Variants in AOPEP observed in about 807,000 individuals in gnomAD.
The protein encoded by AOPEP is aminopeptidase O (putative).
In AOPEP, 77 loss-of-function variants were observed where a neutral mutation model predicts 98.1. The observed-to-expected ratio is 0.78, with a 90% confidence interval of 0.65 to 0.95. AOPEP has a LOEUF of 0.95. Ranked by LOEUF, AOPEP falls within the 40% of genes least tolerant of loss-of-function variation. The probability of loss-of-function intolerance (pLI) is 0.00; values close to 1 mark genes in which losing one functional copy is unlikely to be tolerated. For missense variants in AOPEP, 1,024 were observed against 1,024.7 expected, an observed-to-expected ratio of 1.00 and a Z score of 0.01; for synonymous variants, 346 against 365.3, an observed-to-expected ratio of 0.95 and a Z score of 0.60.
intron 7 of AOPEP, among the ~76,000 whole-genome samples, chr9:94,945,984 A>G (rs2057575184): frequency 6.6e-6 from 1 of 152,148 alleles, no homozygotes; most frequent in African/African-American, 2.4e-5. Context: ...ACCCTGATAG[A>G]TGAACCCAGC....
intron 5 of AOPEP, among the ~76,000 whole-genome samples, chr9:94,869,915 G>A (rs1287718397): frequency 6.6e-6 from 1 of 150,542 alleles, no homozygotes; most frequent in Non-Finnish European, 1.5e-5. Context: ...TAGGAAAGAT[G>A]GAACATGATT....
chr9:95,137,013 T>C, the AOPEP span, among the ~76,000 whole-genome samples: 1 of 152,054 alleles, frequency 6.6e-6, no homozygotes, highest in Non-Finnish European at 1.5e-5. Flanking sequence ...TGGGTGCTTT[T>C]CAAACTTGAT....
intron 5 of AOPEP, among the ~76,000 whole-genome samples, chr9:94,839,361 T>A (rs915104466): frequency 2.0e-5 from 3 of 152,124 alleles, no homozygotes; most frequent in African/African-American, 7.2e-5. Flanking sequence ...GTGGCTGGGA[T>A]TATAGGCGTG....
intron 13 of AOPEP, among the ~76,000 whole-genome samples, chr9:95,014,731 A>G (rs2062842820): frequency 6.6e-6 from 1 of 151,956 alleles, no homozygotes; most frequent in African/African-American, 2.4e-5. Flanking sequence ...ATCTTCTCAC[A>G]CTCTTGCCTG....
the AOPEP span, chr9:95,114,404 G>A: frequency 6.4e-6 from 4 of 620,538 alleles, no homozygotes; most frequent in Non-Finnish European, 1.2e-5. Flanking sequence ...TTCGATACAG[G>A]TATTGGCACA....
the AOPEP span, among the ~76,000 whole-genome samples, chr9:95,129,620 T>C: frequency 6.6e-6 from 1 of 152,206 alleles, no homozygotes; most frequent in African/African-American, 2.4e-5. Context: ...GTGGTTTCCA[T>C]CTGTTTGTTT....
rs200827118 is a variant in AOPEP at position 94,734,531 on chromosome 9, G to GT, written c.-136+7781dup. ...AGAGTCCTACACAGGAAGCCCTGCA[G>GT]TAAGTGGCCAGAGAATTTGCCAGAT... is the stretch of plus-strand genomic sequence containing the variant. On this transcript the variant is annotated intron_variant, in intron 1 of 16. Transcript: ENST00000375315. Among the ~76,000 whole-genome samples, 712 of 152,340 alleles carry GT rather than the reference G, an allele frequency of 4.7e-3. 9 individuals carry two copies. The highest frequency in any genetic ancestry group is 0.041 in the South Asian group (200 of 4,826).
At chr9:95,004,778 A>G (rs1323908961) in intron 11 of AOPEP, among the ~76,000 whole-genome samples, 1 of 140,974 alleles carries the variant, frequency 7.1e-6, no homozygotes, top group Non-Finnish European at 1.5e-5. Context: ...TGGCGGGGGC[A>G]AGGTGCGCGG....
At chr9:94,878,060 A>G (rs1239059823) in intron 5 of AOPEP, among the ~76,000 whole-genome samples, 1 of 152,050 alleles carries the variant, frequency 6.6e-6, no homozygotes, top group Non-Finnish European at 1.5e-5. Flanking sequence ...CCACAAACCC[A>G]ACAGTTACTC....
At chr9:94,787,484 G>A (rs1407833072) in intron 3 of AOPEP, among the ~76,000 whole-genome samples, 1 of 152,190 alleles carries the variant, frequency 6.6e-6, no homozygotes, top group Admixed American at 6.5e-5. Flanking sequence ...CTACGTGGAT[G>A]GTACAAGAAC....
chr9:94,967,652 A>T lies in AOPEP; in HGVS notation c.1873-106A>T, dbSNP rs16911886. On this transcript the variant is annotated intron_variant, in intron 9 of 16. Transcript: ENST00000375315. ...TAAGTCAGCATAGGTCTAGCTTCTCAAGCAGGTGAGCTGTCAGTAGCTGGG... is the reference window on the plus strand; with the variant it reads ...TAAGTCAGCATAGGTCTAGCTTCTCTAGCAGGTGAGCTGTCAGTAGCTGGG... The T allele has an allele frequency of 0.06, 51,201 of 852,908 alleles. 6,420 individuals are homozygous for T. The highest frequency in any genetic ancestry group is 0.43 in the African/African-American group (25,320 of 59,422). 52.8% of individuals were successfully genotyped at this position (852,908 alleles called of 1,614,324 possible).
At chr9:94,732,103 A>G (rs1318533715) in intron 1 of AOPEP, among the ~76,000 whole-genome samples, 3 of 152,016 alleles carry the variant, frequency 2.0e-5, no homozygotes, top group African/African-American at 7.2e-5. Flanking sequence ...TTTACTTTTT[A>G]TTGTTCCATA....
intron 5 of AOPEP, among the ~76,000 whole-genome samples, chr9:94,847,099 A>G (rs1404270633): frequency 1.4e-5 from 2 of 145,022 alleles, no homozygotes; most frequent in Non-Finnish European, 3.0e-5. Flanking sequence ...GGCTGCAGGG[A>G]GGTTGGTAGA....
chr9:95,137,628 G>A, the AOPEP span, among the ~76,000 whole-genome samples: 1 of 152,172 alleles, frequency 6.6e-6, no homozygotes, highest in Non-Finnish European at 1.5e-5. Flanking sequence ...TGGATTTGGA[G>A]TGTCTGAGGC....
intron 11 of AOPEP, among the ~76,000 whole-genome samples, chr9:94,987,970 GC>G (rs1223698426): frequency 6.6e-6 from 1 of 152,110 alleles, no homozygotes; most frequent in Non-Finnish European, 1.5e-5. Context: ...CAGCAGCCTT[GC>G]CTGGAAAGAC....
rs56278300 is a variant in AOPEP, at chr9:94,803,572, A to G, written c.1364+2570A>G. Among the ~76,000 whole-genome samples the G allele has an allele frequency of 6.6e-3, 1,011 of 152,376 alleles. 8 individuals are homozygous for G. The highest frequency in any genetic ancestry group is 0.023 in the African/African-American group (973 of 41,590). ...GTGAAGTGAGGAAAAACACATTTAT[A>G]AAACTTGAATGTATGATAATGACAA... On this transcript the variant is annotated intron_variant, in intron 5 of 16. Coordinates refer to ENST00000375315, the MANE Select transcript of AOPEP (RefSeq NM_001193329.3).
the AOPEP span, among the ~76,000 whole-genome samples, chr9:95,137,462 C>T: frequency 2.2e-4 from 34 of 152,084 alleles, no homozygotes; most frequent in African/African-American, 8.0e-4. Context: ...CAGGACCCAC[C>T]GGCAGGCCCC....
At chr9:94,792,652 T>G in intron 3 of AOPEP, 113 bp from the exon 4 acceptor site, 1 of 1,013,016 alleles carries the variant, frequency 9.9e-7, no homozygotes, top group Non-Finnish European at 1.4e-6. Flanking sequence ...CTCCAAGAGT[T>G]GGCTCTTACC....
At chr9:95,005,803 T>C (rs1050117180) in intron 13 of AOPEP, among the ~76,000 whole-genome samples, 187 bp downstream of exon 13, 6 of 152,204 alleles carry the variant, frequency 3.9e-5, no homozygotes, top group Non-Finnish European at 8.8e-5. Context: ...ATTTATATAG[T>C]CTCATTAGGA....
Sources: allele counts gnomAD v4.1 joint callset (sites outside exome capture counted in the v4.1 genomes callset), GRCh38; gene constraint gnomAD v4.1.1; transcripts MANE v1.5; gene names NCBI Gene and HGNC (gene_info 2026-07-23, HGNC 2026-07-21).